The following ILDR1 variants were observed in gnomAD, a reference collection of about 807,000 sequenced individuals.
The protein encoded by ILDR1 is immunoglobulin like domain containing receptor 1.
Under a neutral mutation model 62.4 loss-of-function variants are expected in ILDR1, and 56 were observed. That is an observed-to-expected ratio of 0.90 (90% confidence interval 0.72 to 1.12). ILDR1 has a LOEUF of 1.12. Ranked by LOEUF, ILDR1 falls within the 50% of genes most tolerant of loss-of-function variation. The pLI, the probability that ILDR1 is intolerant of heterozygous loss-of-function variation, is 0.00. For synonymous variants in ILDR1, 284 were observed against 277.8 expected (o/e 1.02, Z -0.22); for missense variants, 736 against 710.6 (o/e 1.04, Z -0.41).
At chr3:122,033,773 C>T in the ILDR1 span, among the ~76,000 whole-genome samples, 5,085 of 152,250 alleles carry the variant, frequency 0.033, 270 homozygotes, top group African/African-American at 0.12. Flanking sequence ...AGCAGTGTCA[C>T]CTTTACCCCA....
the ILDR1 span, among the ~76,000 whole-genome samples, chr3:122,035,195 A>C: frequency 1.3e-5 from 2 of 152,102 alleles, no homozygotes; most frequent in African/African-American, 4.8e-5. Flanking sequence ...AGGAAACAAA[A>C]ATTTCGTTCT....
At chr3:122,038,594 A>G in the ILDR1 span, among the ~76,000 whole-genome samples, 2 of 152,258 alleles carry the variant, frequency 1.3e-5, no homozygotes. Context: ...ACAAAAAACT[A>G]TAAGGCACAC....
chr3:122,001,961 T>A, intron 3 of ILDR1, 97 bp from the exon 4 acceptor site: 1 of 1,391,136 alleles, frequency 7.2e-7, no homozygotes. Context: ...TGGCAAGACC[T>A]TGTATTTACA....
At chr3:122,046,776 CT>C in the ILDR1 span, among the ~76,000 whole-genome samples, 1 of 136,666 alleles carries the variant, frequency 7.3e-6, no homozygotes, top group African/African-American at 2.7e-5. Flanking sequence ...CCATCAGCTC[CT>C]TTAAGCACTT....
chr3:122,029,104 T>C, the ILDR1 span, among the ~76,000 whole-genome samples: 2 of 152,200 alleles, frequency 1.3e-5, no homozygotes, highest in African/African-American at 4.8e-5. Context: ...AATATAATGT[T>C]GTGTGAATAA....
the ILDR1 span, among the ~76,000 whole-genome samples, chr3:122,031,602 A>C: frequency 2.0e-5 from 3 of 152,194 alleles, no homozygotes; most frequent in Non-Finnish European, 4.4e-5. Flanking sequence ...TGGAGCCCTC[A>C]TGAATGGGAT....
At chr3:122,018,781 AG>A (rs1254808164) in intron 1 of ILDR1, among the ~76,000 whole-genome samples, 1 of 152,198 alleles carries the variant, frequency 6.6e-6, no homozygotes, top group Non-Finnish European at 1.5e-5. Flanking sequence ...GGAGGTATTC[AG>A]GAGCTCCCAA....
chr3:122,009,005 C>G (rs1005867323), intron 1 of ILDR1, among the ~76,000 whole-genome samples: 2 of 151,804 alleles, frequency 1.3e-5, no homozygotes, highest in Non-Finnish European at 1.5e-5. Flanking sequence ...GCAATCATGG[C>G]TCACTGCAAC....
chr3:121,996,887 GT>G (rs1050045923), intron 5 of ILDR1, among the ~76,000 whole-genome samples: 2 of 151,690 alleles, frequency 1.3e-5, no homozygotes, highest in Non-Finnish European at 2.9e-5. Context: ...CCCTTGTTTT[GT>G]TTTTTTTGTT....
chr3:121,998,595 G>A (rs2071471543), intron 5 of ILDR1, among the ~76,000 whole-genome samples: 1 of 152,164 alleles, frequency 6.6e-6, no homozygotes, highest in Admixed American at 6.5e-5. Flanking sequence ...AATAAGTGGT[G>A]CACTTATCAT....
At chr3:121,997,033 T>C (rs545929054) in intron 5 of ILDR1, among the ~76,000 whole-genome samples, 31 of 152,324 alleles carry the variant, frequency 2.0e-4, no homozygotes, top group African/African-American at 7.2e-4. Context: ...CCCGAGTAGC[T>C]GGGATTACAG....
the ILDR1 span, among the ~76,000 whole-genome samples, chr3:122,029,511 AAT>A: frequency 0.046 from 6,397 of 139,424 alleles, 194 homozygotes; most frequent in South Asian, 0.095. Flanking sequence ...GTCTAAAAAA[AAT>A]ATATATATAT....
chr3:122,040,715 T>A, the ILDR1 span, among the ~76,000 whole-genome samples: 2 of 107,992 alleles, frequency 1.9e-5, no homozygotes, highest in African/African-American at 3.5e-5. Context: ...CAACTGGAAA[T>A]CCAGATGCAA....
At chr3:122,050,991 A>C in the ILDR1 span, among the ~76,000 whole-genome samples, 2 of 152,192 alleles carry the variant, frequency 1.3e-5, no homozygotes, top group Non-Finnish European at 2.9e-5. Context: ...GTTTCTGCTA[A>C]GAAATCCATT....
chr3:122,021,381 T>C (rs2071852560), intron 1 of ILDR1, among the ~76,000 whole-genome samples: 1 of 152,132 alleles, frequency 6.6e-6, no homozygotes, highest in Admixed American at 6.5e-5. Context: ...AATCATGTTT[T>C]CCAAAACAGA....
the ILDR1 span, among the ~76,000 whole-genome samples, chr3:122,056,624 G>A: frequency 6.6e-6 from 1 of 152,126 alleles, no homozygotes; most frequent in Admixed American, 6.5e-5. Flanking sequence ...GAGCCACCGC[G>A]CACCCGGCCG....
At chr3:122,038,663 G>A in the ILDR1 span, among the ~76,000 whole-genome samples, 1 of 152,096 alleles carries the variant, frequency 6.6e-6, no homozygotes, top group Non-Finnish European at 1.5e-5. Context: ...ATCAGATACA[G>A]ATATAACAAA....
chr3:122,003,118 C>T (rs1035081379), intron 3 of ILDR1, among the ~76,000 whole-genome samples: 58 of 152,188 alleles, frequency 3.8e-4, no homozygotes, highest in Non-Finnish European at 8.8e-5. Flanking sequence ...ATCAGGGCAG[C>T]CTCCGTGTGA....
At chr3:122,007,627 C>A (rs533093430) in intron 1 of ILDR1, among the ~76,000 whole-genome samples, 3 of 152,294 alleles carry the variant, frequency 2.0e-5, no homozygotes, top group Non-Finnish European at 2.9e-5. Context: ...TGTCCCTTCA[C>A]GTCCCATCGA....
Sources: allele counts gnomAD v4.1 joint callset (sites outside exome capture counted in the v4.1 genomes callset), GRCh38; gene constraint gnomAD v4.1.1; transcripts MANE v1.5; gene names NCBI Gene and HGNC (gene_info 2026-07-23, HGNC 2026-07-21).